Variants in BMP1 observed in about 807,000 individuals in gnomAD.
BMP1 encodes the protein mammalian tolloid protein.
Under a neutral mutation model 116.8 loss-of-function variants are expected in BMP1, and 63 were observed. The ratio of observed to expected loss-of-function variants is 0.54; its 90% CI spans 0.44 to 0.67. The LOEUF is 0.67. Among genes scored for constraint, BMP1 ranks in the 30% least tolerant of loss-of-function variants. BMP1 has a pLI of 0.00. For synonymous variants in BMP1, 536 were observed against 533.4 expected, an observed-to-expected ratio of 1.00 and a Z score of -0.07; for missense variants, 1,183 against 1,358.9, an observed-to-expected ratio of 0.87 and a Z score of 2.04.
chr8:22,206,666 G>A (rs1016593875), intron 16 of BMP1, among the ~76,000 whole-genome samples, 188 bp from the exon 17 acceptor site: 3 of 152,046 alleles, frequency 2.0e-5, no homozygotes, highest in African/African-American at 4.8e-5. Flanking sequence ...TGTAGGAATC[G>A]GGCAGCTAGA....
At chr8:22,176,505 G>A (rs1828439176) in intron 3 of BMP1, 28 bp from the exon 4 acceptor site, 2 of 1,610,974 alleles carry the variant, frequency 1.2e-6, no homozygotes, top group Admixed American at 1.7e-5. Flanking sequence ...TGGACACCGT[G>A]GCAACCTGGC....
At chr8:22,191,966 C>T (rs963093727) in intron 8 of BMP1, 83 bp from the exon 9 acceptor site, 27 of 1,274,690 alleles carry the variant, frequency 2.1e-5, no homozygotes, top group East Asian at 4.7e-5. Flanking sequence ...TCGCGTAAGG[C>T]GGGCGGTGGT....
At position 22,177,237 on chromosome 8, in the gene BMP1, C is replaced by G. The variant is rs1243008404; in HGVS notation, c.730+98C>G. 4.4e-5 allele frequency: 57 copies of G among 1,301,372 alleles called. 1 individual carries two copies. In the Admixed American group the frequency reaches 1.4e-3, roughly 31 times the overall value. The allele number at this position is 1,301,372 out of a possible 1,614,324, so 80.6% of individuals were successfully genotyped here. On this transcript the variant is annotated intron_variant, in intron 5 of 19. Transcript: ENST00000306385. ...GGCAGTGGCAGCCGCTCCAGCCAGC[C>G]GTCATCGCCTGGGCCCGCAGCGCTG...
chr8:22,189,876 T>C (rs572880736), intron 8 of BMP1, among the ~76,000 whole-genome samples: 2 of 152,194 alleles, frequency 1.3e-5, no homozygotes, highest in African/African-American at 4.8e-5. Context: ...CTTTTGATGA[T>C]GATAATAATA....
At position 22,179,859 on chromosome 8, in the gene BMP1, G is replaced by C. The variant is rs758907246; in HGVS notation, c.961+30G>C. 1 of 1,599,516 alleles carries C rather than the reference G, an allele frequency of 6.3e-7. No homozygotes were observed. Among genetic ancestry groups the C allele is most frequent in the Non-Finnish European group, 8.5e-7 (1 of 1,170,674 alleles). ...GGGCAGAGAAGGGATGGGTGAGGGC[G>C]TGGAGGGCAGGGCCTGAGGGAGGCA... is the stretch of plus-strand genomic sequence containing the variant. On this transcript the variant is annotated intron_variant, in intron 7 of 19. Transcript: ENST00000306385. The surrounding 1 kb of genome is among the most constrained non-coding windows in gnomAD (Gnocchi z 4.6).
At chr8:22,168,657 AGAGGATTAGGGTACACCCTCT>A (rs1563234708) in intron 1 of BMP1, among the ~76,000 whole-genome samples, 1 of 152,190 alleles carries the variant, frequency 6.6e-6, no homozygotes, top group African/African-American at 2.4e-5. Flanking sequence ...AGAGAGCCAT[AGAGGATTAGGGTACACCCTCT>A]GAGGTCGAGA....
intron 13 of BMP1, chr8:22,196,340 C>T: frequency 1.7e-6 from 1 of 586,558 alleles, no homozygotes; most frequent in East Asian, 4.0e-5. Flanking sequence ...CCCTTTCCTG[C>T]ACCTCCCAGG....
intron 5 of BMP1, chr8:22,177,546 C>CGCCTCCTCCCT (rs1563245119): frequency 4.1e-6 from 3 of 730,186 alleles, no homozygotes; most frequent in Non-Finnish European, 7.6e-6. Context: ...CCTCCCTTCC[C>CGCCTCCTCCCT]GCCTCCTCCC....
chr8:22,199,039 G>C (rs1210041205), intron 15 of BMP1: 1 of 1,347,710 alleles, frequency 7.4e-7, no homozygotes, highest in Non-Finnish European at 9.9e-7. Context: ...GGGGGCAGGG[G>C]ACCGACACTC....
chr8:22,206,489 G>A (rs1326414895), intron 16 of BMP1, among the ~76,000 whole-genome samples: 16 of 149,696 alleles, frequency 1.1e-4, no homozygotes, highest in South Asian at 4.2e-4. Flanking sequence ...GCAACAGAGC[G>A]AGACTCCATC....
Position 22,194,731 on chromosome 8 carries a change from G to A in BMP1, c.1451G>A (p.Arg484His), listed in dbSNP as rs372149080. Residue 484 changes from arginine to histidine, a missense_variant, in exon 12 of 20, where the codon CGC becomes CAC. Coordinates refer to ENST00000306385, the MANE Select transcript of BMP1 (RefSeq NM_006129.5). This position sits in a 1 kb window ranked among gnomAD's most constrained non-coding sequence, Gnocchi z 4.5. Reference sequence around the variant, plus strand: ...TGAAGCCTCGACCCCTAGATTGAGCGCCACGACAGCTGTGCCTACGACTAT... The same window carrying A: ...TGAAGCCTCGACCCCTAGATTGAGCACCACGACAGCTGTGCCTACGACTAT... ...GLTFQSFEIE[R>H]HDSCAYDYLE... is the part of the protein sequence containing the mutation. 33 of 1,603,654 alleles carry A rather than the reference G, an allele frequency of 2.1e-5. No individual in the cohort carries two copies. The highest frequency in any genetic ancestry group is 6.7e-5 in the South Asian group (6 of 89,872).
At chr8:22,205,420 T>C (rs1211732763) in intron 16 of BMP1, among the ~76,000 whole-genome samples, 2 of 151,930 alleles carry the variant, frequency 1.3e-5, no homozygotes, top group East Asian at 3.9e-4. Context: ...GTCAGTTAAG[T>C]CAATCGAGGA....
chr8:22,209,233 G>T lies in BMP1; in HGVS notation c.2576-212G>T, dbSNP rs192276176. Among the ~76,000 whole-genome samples the T allele has an allele frequency of 3.9e-5, 6 of 152,212 alleles. No homozygotes were observed. The East Asian group carries it at 1.2e-3, about 29-fold the overall frequency. ...TGTCTTCCTCTCGGTGAGCCTCACT[G>T]CCTGTTCCCCTCAGCCTAGGGCCAA... On this transcript the variant is annotated intron_variant, in intron 18 of 19. Coordinates refer to ENST00000306385, the MANE Select transcript of BMP1 (RefSeq NM_006129.5).
intron 8 of BMP1, among the ~76,000 whole-genome samples, chr8:22,185,928 C>A (rs1195450929): frequency 6.6e-6 from 1 of 151,416 alleles, no homozygotes; most frequent in African/African-American, 2.4e-5. Flanking sequence ...CTCCGCCTCC[C>A]GGGTTCAAGT....
At chr8:22,176,356 G>A (rs772667120) in intron 3 of BMP1, 43 bp downstream of exon 3, 29 of 1,567,160 alleles carry the variant, frequency 1.9e-5, no homozygotes, top group Non-Finnish European at 2.5e-5. Context: ...CCAGCTTCCG[G>A]GCCTGGCCTT....
In BMP1 at chr8:22,167,595, C is replaced by G. The variant is rs555591766; in HGVS notation, c.148+2042C>G. On this transcript the variant is annotated intron_variant, in intron 1 of 19. Transcript: ENST00000306385. ...CAGCAAGAGGCTGAGGGCTCTCCCC[C>G]CAGTCTCAGGTTTCATGCTAGGGTG... Among the ~76,000 whole-genome samples the G allele has an allele frequency of 1.6e-3, 241 of 152,304 alleles. 2 individuals carry two copies. The highest frequency in any genetic ancestry group is 5.4e-3 in the African/African-American group (224 of 41,576).
At chr8:22,186,470 A>C (rs1343056394) in intron 8 of BMP1, among the ~76,000 whole-genome samples, 1 of 151,882 alleles carries the variant, frequency 6.6e-6, no homozygotes, top group East Asian at 1.9e-4. Context: ...CCGTCTATCT[A>C]TATATATATT....
At chr8:22,181,763 C>A (rs1586446246) in intron 8 of BMP1, among the ~76,000 whole-genome samples, 2 of 152,156 alleles carry the variant, frequency 1.3e-5, no homozygotes, top group Non-Finnish European at 1.5e-5. Context: ...CCATGTTGCA[C>A]AGGCTGGTCT....
chr8:22,169,542 G>C (rs976064169), intron 1 of BMP1: 1 of 152,272 alleles, frequency 6.6e-6, no homozygotes, highest in Non-Finnish European at 1.5e-5. Context: ...ACCTGTGATC[G>C]GTCTTCCTGA....
Sources: allele counts gnomAD v4.1 joint callset (sites outside exome capture counted in the v4.1 genomes callset), GRCh38; gene constraint gnomAD v4.1.1; non-coding constraint Gnocchi (gnomAD v3.1); transcripts MANE v1.5; gene names NCBI Gene and HGNC (gene_info 2026-07-23, HGNC 2026-07-21).